The following NT5C3A variants were observed in gnomAD, a reference collection of about 807,000 sequenced individuals.
NT5C3A encodes the protein 5'-nucleotidase, cytosolic IIIA, also known as cytosolic 5'-nucleotidase 3A.
NT5C3A carries 23 observed loss-of-function variants against 40.0 expected under a neutral mutation model. The observed-to-expected ratio is 0.58, with a 90% CI of 0.41 to 0.81. The LOEUF (loss-of-function observed/expected upper bound fraction) is 0.81. Ranked by LOEUF, NT5C3A falls within the 40% of genes least tolerant of loss-of-function variation. The pLI, the probability that NT5C3A is intolerant of heterozygous loss-of-function variation, is 0.00. For synonymous variants in NT5C3A, 130 were observed against 141.4 expected (o/e 0.92, Z 0.57); for missense variants, 328 against 403.0 (o/e 0.81, Z 1.59).
intron 1 of NT5C3A, among the ~76,000 whole-genome samples, chr7:33,036,790 ATTTTAT>A (rs1011931388): frequency 9.9e-5 from 15 of 151,924 alleles, no homozygotes; most frequent in African/African-American, 2.9e-4. Context: ...TTACATTAAA[ATTTTAT>A]TTTTATTTTT....
intron 1 of NT5C3A, among the ~76,000 whole-genome samples, chr7:33,045,523 G>A (rs1459355060): frequency 2.6e-5 from 4 of 150,988 alleles, no homozygotes; most frequent in Non-Finnish European, 2.9e-5. Flanking sequence ...GCAGTGGCAC[G>A]ATCTCGGCTC....
chr7:33,015,381 A>G (rs1785264594), intron 8 of NT5C3A, among the ~76,000 whole-genome samples: 1 of 152,136 alleles, frequency 6.6e-6, no homozygotes, highest in South Asian at 2.1e-4. Flanking sequence ...TGGGCAACAC[A>G]GGGAGAATTC....
intron 1 of NT5C3A, chr7:33,029,702 G>A (rs1786141133): frequency 7.8e-7 from 1 of 1,288,684 alleles, no homozygotes; most frequent in African/African-American, 1.5e-5. Flanking sequence ...GAAGAAGGCT[G>A]GTTTCTGCTA....
At chr7:33,024,154 G>GC in intron 2 of NT5C3A, 46 bp from the exon 3 acceptor site, 1 of 1,114,132 alleles carries the variant, frequency 9.0e-7, no homozygotes, top group Non-Finnish European at 1.4e-6. Flanking sequence ...TAGCCCACAT[G>GC]GCCAGAATTT....
At chr7:33,030,895 C>G (rs903568326) in intron 1 of NT5C3A, among the ~76,000 whole-genome samples, 1 of 151,456 alleles carries the variant, frequency 6.6e-6, no homozygotes, top group African/African-American at 2.4e-5. Flanking sequence ...GTCAGGAGAT[C>G]GAGACCATCC....
rs371799529 is a variant in NT5C3A, at chr7:33,062,685, C to T, written c.21G>A (p.Ala7=). The change falls in exon 1 of 9, where the codon GCG becomes GCA. Residue 7 remains alanine (A), a synonymous_variant. Coordinates refer to ENST00000610140, the MANE Select transcript of NT5C3A (RefSeq NM_001002010.5). MDRAAV[A]RVGAVASASV... ...TGGCGCTCGCTACCGCGCCCACCCT[C>T]GCCACGGCCGCGCGGTCCATGGACG... 1.0e-4 allele frequency: 159 copies of T among 1,570,574 alleles called. No homozygotes were observed. In the African/African-American group the frequency reaches 1.0e-3, roughly 10 times the overall value.
chr7:33,016,064 T>G, intron 7 of NT5C3A, 194 bp from the exon 8 acceptor site: 1 of 581,516 alleles, frequency 1.7e-6, no homozygotes, highest in South Asian at 2.0e-5. Context: ...TAAATGATTT[T>G]TTAGATACTA....
At chr7:33,055,179 G>A (rs1248137516) in intron 1 of NT5C3A, among the ~76,000 whole-genome samples, 1 of 152,048 alleles carries the variant, frequency 6.6e-6, no homozygotes, top group Non-Finnish European at 1.5e-5. Flanking sequence ...ACAAAAATTA[G>A]CTGGGCGTGG....
chr7:33,015,061 C>T (rs1785248720), intron 8 of NT5C3A, among the ~76,000 whole-genome samples: 1 of 152,122 alleles, frequency 6.6e-6, no homozygotes, highest in African/African-American at 2.4e-5. Context: ...CAGTGGCTTT[C>T]AAATGGGGTG....
chr7:33,062,479 G>A (rs1787820615), intron 1 of NT5C3A, 89 bp downstream of exon 1: 10 of 1,250,668 alleles, frequency 8.0e-6, no homozygotes, highest in Non-Finnish European at 1.1e-5. Flanking sequence ...CGTCGCGACC[G>A]AACAGCGGCC....
intron 1 of NT5C3A, among the ~76,000 whole-genome samples, chr7:33,031,922 C>A (rs183554165): frequency 6.6e-6 from 1 of 152,162 alleles, no homozygotes; most frequent in East Asian, 1.9e-4. Flanking sequence ...GTCAGGAGTT[C>A]AAGACCAGCC....
chr7:33,048,528 A>C (rs999049192), intron 1 of NT5C3A, among the ~76,000 whole-genome samples: 1 of 152,216 alleles, frequency 6.6e-6, no homozygotes, highest in Non-Finnish European at 1.5e-5. Context: ...TATGCTTGCT[A>C]TAAGTGTACT....
chr7:33,041,274 C>A (rs1407738628), intron 1 of NT5C3A: 2 of 331,292 alleles, frequency 6.0e-6, no homozygotes, highest in Non-Finnish European at 8.6e-6. Context: ...TATTTTAATA[C>A]AAAGTTAAAA....
At chr7:33,018,593 G>GT (rs879496336) in intron 6 of NT5C3A, among the ~76,000 whole-genome samples, 16 of 152,198 alleles carry the variant, frequency 1.1e-4, no homozygotes, top group Non-Finnish European at 1.9e-4. Flanking sequence ...GCTCACGCCT[G>GT]TAACCCCAGC....
At chr7:33,027,390 C>A (rs2127999429) in intron 1 of NT5C3A, among the ~76,000 whole-genome samples, 1 of 152,274 alleles carries the variant, frequency 6.6e-6, no homozygotes, top group Non-Finnish European at 1.5e-5. Context: ...CATTTATACA[C>A]ACAAAAATAC....
rs572118018 is a variant in NT5C3A, at chr7:33,014,674, C to A, written c.*56G>T. 3.7e-6 allele frequency: 6 copies of A among 1,602,086 alleles called. No individual in the cohort carries two copies. The African/African-American group carries it at 8.0e-5, about 21-fold the overall frequency. On this transcript the variant is annotated 3_prime_UTR_variant, in exon 9 of 9. Transcript: ENST00000610140. ...TAAATAAGTCTCTCAGCAAGATGAA[C>A]GGATGAACAGTTCAATTGCACCCAC...
chr7:33,020,775 ATT>A (rs11434167), intron 5 of NT5C3A, among the ~76,000 whole-genome samples: 1 of 142,468 alleles, frequency 7.0e-6, no homozygotes. Context: ...GTCATGATCT[ATT>A]TTTTTTTTTT....
At position 33,029,521 on chromosome 7, in the gene NT5C3A, T is replaced by A. The variant is rs76137594; in HGVS notation, c.139-2606A>T. The A allele has an allele frequency of 9.1e-3, 4,863 of 532,230 alleles. 174 individuals are homozygous for A. The East Asian group carries it at 0.14, about 15-fold the overall frequency. The allele number at this position is 532,230 out of a possible 1,614,324, so 33.0% of individuals were successfully genotyped here. Reference sequence around the variant, plus strand: ...TGCACAGCAATCAGCATATGTTTGATTCAATAACCAATCCATTATGGTGAA... The same window carrying A: ...TGCACAGCAATCAGCATATGTTTGAATCAATAACCAATCCATTATGGTGAA... On this transcript the variant is annotated intron_variant, in intron 1 of 8. Transcript: ENST00000610140.
intron 1 of NT5C3A, among the ~76,000 whole-genome samples, chr7:33,048,044 T>A (rs2128014504): frequency 6.6e-6 from 1 of 152,084 alleles, no homozygotes; most frequent in Middle Eastern, 3.4e-3. Context: ...TAAATAGGAT[T>A]AAATTCTGTA....
Sources: gnomAD v4.1 joint callset for allele counts (sites outside exome capture counted in the v4.1 genomes callset) on GRCh38, gnomAD v4.1.1 for gene constraint, MANE v1.5 for transcripts, NCBI Gene and HGNC (gene_info 2026-07-23, HGNC 2026-07-21) for gene names.